Variants in LZTS1 observed in about 807,000 individuals in gnomAD.
The protein encoded by LZTS1 is leucine zipper putative tumor suppressor 1.
A neutral mutation model predicts 45.8 loss-of-function variants in LZTS1; 31 were observed. The observed-to-expected ratio is 0.68, with a 90% CI of 0.51 to 0.91. The LOEUF is 0.91. Among genes scored for constraint, LZTS1 ranks in the 40% least tolerant of loss-of-function variants. The pLI is 0.00. For synonymous variants in LZTS1, 359 were observed against 357.3 expected, an observed-to-expected ratio of 1.00 and a Z score of -0.05; for missense variants, 821 against 788.9, an observed-to-expected ratio of 1.04 and a Z score of -0.49.
chr8:20,252,014 T>G (rs758246308), intron 3 of LZTS1, among the ~76,000 whole-genome samples: 10 of 152,086 alleles, frequency 6.6e-5, no homozygotes, highest in Non-Finnish European at 2.9e-5. Flanking sequence ...GGCAGGCACG[T>G]GGACAGACCA....
At chr8:20,250,646 CT>C (rs1242764028) in intron 3 of LZTS1, among the ~76,000 whole-genome samples, 1 of 152,182 alleles carries the variant, frequency 6.6e-6, no homozygotes, top group African/African-American at 2.4e-5. Flanking sequence ...GCTTTGTCAC[CT>C]AGGCTGGGGT....
intron 1 of LZTS1, among the ~76,000 whole-genome samples, chr8:20,302,927 G>A (rs1378780150): frequency 6.6e-6 from 1 of 152,016 alleles, no homozygotes; most frequent in African/African-American, 2.4e-5. Flanking sequence ...ACATCACCTG[G>A]CCCTTGGTGT....
At chr8:20,298,797 G>C (rs6998527) in intron 1 of LZTS1, among the ~76,000 whole-genome samples, 237 of 152,320 alleles carry the variant, frequency 1.6e-3, no homozygotes, top group African/African-American at 5.6e-3. Context: ...CTTGAGCTTA[G>C]GAGGTCAAGA....
intron 1 of LZTS1, among the ~76,000 whole-genome samples, chr8:20,285,333 G>C (rs1403906044): frequency 6.6e-6 from 1 of 152,150 alleles, no homozygotes; most frequent in African/African-American, 2.4e-5. Flanking sequence ...GTTCTTCCAT[G>C]TGTAGATACG....
chr8:20,268,758 G>T (rs1426044602), intron 1 of LZTS1, among the ~76,000 whole-genome samples: 2 of 152,122 alleles, frequency 1.3e-5, no homozygotes, highest in Non-Finnish European at 1.5e-5. Context: ...CTGAGGTGCT[G>T]GGGGGAGAGG....
chr8:20,264,171 CTTAA>C (rs1193981577), intron 1 of LZTS1, among the ~76,000 whole-genome samples: 2 of 152,138 alleles, frequency 1.3e-5, no homozygotes, highest in African/African-American at 2.4e-5. Flanking sequence ...ATTCTGCAAC[CTTAA>C]TTGTTTTATT....
chr8:20,267,385 G>A (rs558246430), intron 1 of LZTS1, among the ~76,000 whole-genome samples: 2 of 152,254 alleles, frequency 1.3e-5, no homozygotes, highest in Non-Finnish European at 2.9e-5. Flanking sequence ...TAATTCTGGT[G>A]CTGCCTCACT....
intron 1 of LZTS1, among the ~76,000 whole-genome samples, chr8:20,299,636 C>G (rs548579051): frequency 4.8e-4 from 73 of 152,050 alleles, no homozygotes; most frequent in African/African-American, 1.7e-3. Flanking sequence ...AAACTTAAAT[C>G]GCCATGGAGC....
At chr8:20,294,508 G>A (rs761977242) in intron 1 of LZTS1, among the ~76,000 whole-genome samples, 6 of 152,148 alleles carry the variant, frequency 3.9e-5, no homozygotes, top group South Asian at 2.1e-4. Flanking sequence ...TGGGGGCTCC[G>A]CCTGGCTCCT....
At chr8:20,287,061 A>G (rs1444379870) in intron 1 of LZTS1, among the ~76,000 whole-genome samples, 2 of 139,968 alleles carry the variant, frequency 1.4e-5, no homozygotes, top group African/African-American at 3.3e-5. Flanking sequence ...ACACCTCTGC[A>G]TGTATATTAT....
chr8:20,251,392 C>A (rs1039106654), intron 3 of LZTS1, among the ~76,000 whole-genome samples: 1 of 151,870 alleles, frequency 6.6e-6, no homozygotes, highest in African/African-American at 2.4e-5. Context: ...TTCTCCAGGA[C>A]TGTGCAGTGT....
intron 1 of LZTS1, among the ~76,000 whole-genome samples, chr8:20,302,215 G>A (rs1444881793): frequency 6.6e-6 from 1 of 152,058 alleles, no homozygotes; most frequent in East Asian, 1.9e-4. Context: ...ATGAGATAAC[G>A]TCTATGATGA....
chr8:20,272,280 C>T (rs887404035), intron 1 of LZTS1, among the ~76,000 whole-genome samples: 2 of 152,184 alleles, frequency 1.3e-5, no homozygotes, highest in Non-Finnish European at 2.9e-5. Flanking sequence ...TGCTGATACT[C>T]TGGGTCGCAT....
At chr8:20,271,179 C>G (rs1356382864) in intron 1 of LZTS1, among the ~76,000 whole-genome samples, 1 of 152,134 alleles carries the variant, frequency 6.6e-6, no homozygotes, top group Non-Finnish European at 1.5e-5. Flanking sequence ...TTTGATGTGT[C>G]TGGCTGAGGA....
At chr8:20,281,647 G>A (rs971447590) in intron 1 of LZTS1, among the ~76,000 whole-genome samples, 3 of 152,108 alleles carry the variant, frequency 2.0e-5, no homozygotes, top group African/African-American at 4.8e-5. Flanking sequence ...CACAAGAGCT[G>A]GTCATTGAAA....
chr8:20,249,653 A>C lies in LZTS1; in HGVS notation c.*69T>G. The C allele has an allele frequency of 3.3e-6, 5 of 1,532,822 alleles. No homozygotes were observed. In the South Asian group the frequency reaches 6.2e-5, roughly 19 times the overall value. The allele number at this position is 1,532,822 out of a possible 1,614,324, so 95.0% of individuals were successfully genotyped here. On this transcript the variant is annotated 3_prime_UTR_variant, in exon 4 of 4. Coordinates refer to ENST00000381569, the MANE Select transcript of LZTS1 (RefSeq NM_021020.5). Reference sequence around the variant, plus strand: ...CTCAGAGGGGTCTGAATTGCTGAGCAGGGGGGATGCACGGGAGAGCCCTGC... The same window carrying C: ...CTCAGAGGGGTCTGAATTGCTGAGCCGGGGGGATGCACGGGAGAGCCCTGC...
chr8:20,274,097 C>A (rs1800528108), intron 1 of LZTS1, among the ~76,000 whole-genome samples: 1 of 152,154 alleles, frequency 6.6e-6, no homozygotes, highest in Non-Finnish European at 1.5e-5. Flanking sequence ...TGTGAGGCCC[C>A]TTCTGCGTGT....
At chr8:20,282,212 A>T (rs546387144) in intron 1 of LZTS1, among the ~76,000 whole-genome samples, 1 of 152,302 alleles carries the variant, frequency 6.6e-6, no homozygotes, top group South Asian at 2.1e-4. Flanking sequence ...TGCACACACC[A>T]TAATGACTCA....
chr8:20,273,111 A>G (rs1281164857), intron 1 of LZTS1, among the ~76,000 whole-genome samples: 1 of 151,584 alleles, frequency 6.6e-6, no homozygotes, highest in Non-Finnish European at 1.5e-5. Flanking sequence ...TGCTAAATCC[A>G]ATGGACCTTC....
Sources: gnomAD v4.1 joint callset for allele counts (sites outside exome capture counted in the v4.1 genomes callset) on GRCh38, gnomAD v4.1.1 for gene constraint, MANE v1.5 for transcripts, NCBI Gene and HGNC (gene_info 2026-07-23, HGNC 2026-07-21) for gene names.